DCLK1: variants seen among roughly 807,000 people sequenced by gnomAD.
DCLK1 encodes the protein serine/threonine-protein kinase DCLK1.
DCLK1 carries 16 observed loss-of-function variants against 86.2 expected under a neutral mutation model. The ratio of observed to expected loss-of-function variants is 0.19; its 90% confidence interval spans 0.13 to 0.28. DCLK1 has a LOEUF of 0.28. Ranked by LOEUF, DCLK1 falls within the 10% of genes least tolerant of loss-of-function variation. DCLK1 has a pLI of 1.00. For missense variants in DCLK1, 590 were observed against 940.2 expected (o/e 0.63, Z 4.87); for synonymous variants, 369 against 370.5 (o/e 1.00, Z 0.05).
intron 3 of DCLK1, among the ~76,000 whole-genome samples, chr13:35,956,170 C>T (rs568480578): frequency 6.6e-6 from 1 of 152,174 alleles, no homozygotes; most frequent in East Asian, 1.9e-4. Flanking sequence ...GGAGAGGATA[C>T]AAATAAACTC....
At chr13:35,932,333 C>G (rs1031766679) in intron 4 of DCLK1, among the ~76,000 whole-genome samples, 9 of 152,126 alleles carry the variant, frequency 5.9e-5, no homozygotes, top group African/African-American at 1.7e-4. Flanking sequence ...CCTGGGTCAC[C>G]AGCTTATAAA....
chr13:35,807,217 T>A (rs748733846), intron 14 of DCLK1, among the ~76,000 whole-genome samples: 1 of 152,208 alleles, frequency 6.6e-6, no homozygotes, highest in Non-Finnish European at 1.5e-5. Context: ...TCATAAATAT[T>A]ATTTAATGTG....
chr13:35,928,263 G>C (rs116721439), intron 4 of DCLK1, among the ~76,000 whole-genome samples: 1 of 152,200 alleles, frequency 6.6e-6, no homozygotes, highest in East Asian at 1.9e-4. Flanking sequence ...AGTCTGGGCC[G>C]ACTCCTGGTA....
chr13:36,087,904 T>A (rs1884668860), intron 3 of DCLK1, among the ~76,000 whole-genome samples: 1 of 152,200 alleles, frequency 6.6e-6, no homozygotes, highest in Non-Finnish European at 1.5e-5. Flanking sequence ...ACAAAACCTG[T>A]GGCTTTGTTT....
intron 4 of DCLK1, among the ~76,000 whole-genome samples, chr13:35,907,185 C>A (rs573911892): frequency 6.6e-6 from 1 of 152,282 alleles, no homozygotes; most frequent in African/African-American, 2.4e-5. Context: ...TTATTTGAGA[C>A]AGGGTCTCAG....
At chr13:36,101,599 C>T (rs1885220204) in intron 3 of DCLK1, among the ~76,000 whole-genome samples, 1 of 152,220 alleles carries the variant, frequency 6.6e-6, no homozygotes, top group African/African-American at 2.4e-5. Context: ...TGAATATACA[C>T]AGCCTGAGAA....
chr13:35,952,690 A>G (rs1009393664), intron 3 of DCLK1, among the ~76,000 whole-genome samples: 2 of 152,204 alleles, frequency 1.3e-5, no homozygotes, highest in African/African-American at 2.4e-5. Flanking sequence ...AGTACATGAC[A>G]CTTAATATTC....
intron 3 of DCLK1, among the ~76,000 whole-genome samples, chr13:35,953,445 C>T (rs1877813214): frequency 6.6e-6 from 1 of 151,254 alleles, no homozygotes; most frequent in African/African-American, 2.4e-5. Context: ...TCTAATAAAC[C>T]CCCCTTTTTA....
At chr13:35,863,127 T>A (rs1167048985) in intron 5 of DCLK1, among the ~76,000 whole-genome samples, 1 of 152,242 alleles carries the variant, frequency 6.6e-6, no homozygotes, top group Non-Finnish European at 1.5e-5. Flanking sequence ...CACATAGCCA[T>A]GTGTGTAGCA....
At chr13:35,777,142 A>G (rs1216176248) in intron 16 of DCLK1, among the ~76,000 whole-genome samples, 2 of 152,208 alleles carry the variant, frequency 1.3e-5, no homozygotes, top group Admixed American at 1.3e-4. Flanking sequence ...ATAAGACCTC[A>G]TGCACAAATG....
intron 12 of DCLK1, among the ~76,000 whole-genome samples, chr13:35,809,342 T>C (rs1282538335): frequency 2.6e-4 from 39 of 152,194 alleles, no homozygotes; most frequent in Non-Finnish European, 1.5e-5. Context: ...CTGGACTTAT[T>C]TGTAAATATC....
At chr13:36,046,036 G>T (rs1882902780) in intron 3 of DCLK1, among the ~76,000 whole-genome samples, 1 of 151,492 alleles carries the variant, frequency 6.6e-6, no homozygotes, top group Non-Finnish European at 1.5e-5. Flanking sequence ...CAAACCCTAA[G>T]TTTACAATTA....
chr13:35,777,689 T>C (rs1483405068), intron 16 of DCLK1, among the ~76,000 whole-genome samples: 1 of 152,188 alleles, frequency 6.6e-6, no homozygotes, highest in Non-Finnish European at 1.5e-5. Flanking sequence ...TAAGGAGACC[T>C]GAGTCTGATG....
intron 3 of DCLK1, among the ~76,000 whole-genome samples, chr13:36,110,136 C>T (rs768307643): frequency 1.3e-5 from 2 of 152,020 alleles, no homozygotes; most frequent in Non-Finnish European, 2.9e-5. Flanking sequence ...GATGAACTCC[C>T]ATCTTGAGAA....
intron 3 of DCLK1, among the ~76,000 whole-genome samples, chr13:36,064,995 T>TA (rs909685807): frequency 4.6e-5 from 7 of 152,220 alleles, no homozygotes; most frequent in African/African-American, 7.2e-5. Flanking sequence ...CACTCTTCTG[T>TA]AAAAAAATGC....
intron 3 of DCLK1, among the ~76,000 whole-genome samples, chr13:35,972,950 C>T (rs1390134614): frequency 6.6e-6 from 1 of 152,134 alleles, no homozygotes; most frequent in Non-Finnish European, 1.5e-5. Flanking sequence ...TTATTATTCC[C>T]ACATCCCCAT....
intron 15 of DCLK1, among the ~76,000 whole-genome samples, chr13:35,804,296 A>T (rs1326319041): frequency 1.6e-4 from 23 of 139,590 alleles, no homozygotes; most frequent in Non-Finnish European, 3.0e-4. Flanking sequence ...ATGCCTAGCT[A>T]TTTTTTTTTT....
At chr13:35,828,200 T>C (rs1452783101) in intron 9 of DCLK1, 50 bp downstream of exon 9, 4 of 1,478,688 alleles carry the variant, frequency 2.7e-6, no homozygotes, top group Non-Finnish European at 1.9e-6. Context: ...TTTGTGTTTC[T>C]TTTGACCTCT....
intron 5 of DCLK1, among the ~76,000 whole-genome samples, chr13:35,859,428 T>A (rs902981130): frequency 1.3e-5 from 2 of 152,210 alleles, no homozygotes; most frequent in African/African-American, 4.8e-5. Flanking sequence ...CATTCACTGA[T>A]ACCATGATGA....
Sources: allele counts gnomAD v4.1 joint callset (sites outside exome capture counted in the v4.1 genomes callset), GRCh38; gene constraint gnomAD v4.1.1; transcripts MANE v1.5; gene names NCBI Gene and HGNC (gene_info 2026-07-23, HGNC 2026-07-21).